FMO5: variants seen among roughly 807,000 people sequenced by gnomAD.
FMO5 encodes the protein flavin-containing monooxygenase 5.
FMO5 carries 51 observed loss-of-function variants against 43.6 expected under a neutral mutation model. The observed-to-expected ratio is 1.17, with a 90% CI of 0.93 to 1.48. The LOEUF (loss-of-function observed/expected upper bound fraction) is 1.48. FMO5 is among the 40% of genes most tolerant of loss of function. The pLI is 0.00. For missense variants in FMO5, 644 were observed against 643.0 expected, an observed-to-expected ratio of 1.00 and a Z score of -0.02; for synonymous variants, 187 against 216.5, an observed-to-expected ratio of 0.86 and a Z score of 1.20.
intron 6 of FMO5, among the ~76,000 whole-genome samples, chr1:147,208,257 G>A (rs1273747751): frequency 6.6e-6 from 1 of 151,964 alleles, no homozygotes; most frequent in Non-Finnish European, 1.5e-5. Flanking sequence ...ACTGTCCTCA[G>A]CTATCATTTT....
rs1242940197 is a variant in FMO5, at chr1:147,187,183, G to T, written c.1319C>A (p.Ala440Asp). The T allele has an allele frequency of 2.5e-6, 4 of 1,614,008 alleles. No individual in the cohort carries two copies. The highest frequency in any genetic ancestry group is 3.4e-6 in the Non-Finnish European group (4 of 1,180,024). The part of the protein sequence containing the change: ...GDYIDTMEEL[A>D]DLVGVRPNLL... ...ATTGGGCCTGACCCCCACCAAATCA[G>T]CAAGCTCTTCCATGGTATCTATGTA... Residue 440 changes from alanine to aspartate, a missense_variant, in exon 9 of 9, where the codon GCT becomes GAT. Ala to Asp is a moderately radical substitution (Grantham distance 126, BLOSUM62 -2). Transcript: ENST00000254090.
chr1:147,185,151 G>A (rs28381228), downstream of FMO5, among the ~76,000 whole-genome samples: 1,579 of 149,386 alleles, frequency 0.011, 22 homozygotes, highest in Middle Eastern at 0.045. Context: ...TAGCTTGGTT[G>A]AGCTAAAAAA....
intron 7 of FMO5, among the ~76,000 whole-genome samples, chr1:147,192,380 G>A (rs2101737899): frequency 6.6e-6 from 1 of 152,224 alleles, no homozygotes; most frequent in African/African-American, 2.4e-5. Flanking sequence ...AGACTTTGCT[G>A]AAGTTGCTCA....
At chr1:147,190,857 T>C (rs587675203) in intron 7 of FMO5, among the ~76,000 whole-genome samples, 5,568 of 151,714 alleles carry the variant, frequency 0.037, 151 homozygotes, top group South Asian at 0.095. Flanking sequence ...CAACAGTCCC[T>C]GGAGTGTGAT....
At chr1:147,211,726 T>G (rs1553923760) in intron 5 of FMO5, among the ~76,000 whole-genome samples, 1 of 152,206 alleles carries the variant, frequency 6.6e-6, no homozygotes, top group East Asian at 1.9e-4. Flanking sequence ...TGCTTCTCAG[T>G]TCAAAGTCTG....
intron 8 of FMO5, among the ~76,000 whole-genome samples, chr1:147,188,552 A>G (rs1553917725): frequency 6.7e-6 from 1 of 148,338 alleles, no homozygotes; most frequent in East Asian, 2.0e-4. Flanking sequence ...AAAGAGCTAT[A>G]GTATTCATGA....
At chr1:147,213,568 T>C in intron 3 of FMO5, 98 bp from the exon 4 acceptor site, 2 of 1,004,124 alleles carry the variant, frequency 2.0e-6, no homozygotes, top group Non-Finnish European at 2.8e-6. Context: ...TATCACATAA[T>C]AGGACCCATG....
chr1:147,192,968 A>G (rs1657178766), intron 7 of FMO5, among the ~76,000 whole-genome samples: 1 of 151,894 alleles, frequency 6.6e-6, no homozygotes, highest in Non-Finnish European at 1.5e-5. Flanking sequence ...TTGGTCTAAA[A>G]TTCTTTTTTG....
chr1:147,208,966 C>G lies in FMO5; in HGVS notation c.716G>C (p.Arg239Pro), dbSNP rs782060976. 11 of 1,613,910 alleles carry G rather than the reference C, an allele frequency of 6.8e-6. No homozygotes were observed. The East Asian group carries it at 2.5e-4, about 36-fold the overall frequency. The change falls in exon 6 of 9, where the codon CGA becomes CCA. Residue 239 changes from arginine (R) to proline (P), a missense_variant. Physicochemically the swap from Arg to Pro is moderately radical, Grantham distance 103 (BLOSUM62 -2). Coordinates refer to ENST00000254090, the MANE Select transcript of FMO5 (RefSeq NM_001461.4). ...GYPADVLFSS[R>P]LTHFIWKICG... ...GATCTTCCATATAAAATGTGTAAGT[C>G]GAGAAGAGAACAACACATCAGCAGG...
downstream of FMO5, among the ~76,000 whole-genome samples, chr1:147,184,938 C>G (rs1553916756): frequency 6.6e-6 from 1 of 151,834 alleles, no homozygotes; most frequent in Non-Finnish European, 1.5e-5. This position sits in a 1 kb window ranked among gnomAD's most constrained non-coding sequence, Gnocchi z 4.4. Flanking sequence ...CTATTCTACC[C>G]CATTTATTAA....
chr1:147,184,451 G>T, downstream of FMO5: 5 of 1,384,180 alleles, frequency 3.6e-6, no homozygotes, highest in South Asian at 1.9e-5. This position sits in a 1 kb window ranked among gnomAD's most constrained non-coding sequence, Gnocchi z 4.4. Context: ...TTCTTTTTCT[G>T]TTGCAGGAGT....
intron 7 of FMO5, among the ~76,000 whole-genome samples, chr1:147,199,936 T>C (rs980595007): frequency 6.6e-6 from 1 of 152,138 alleles, no homozygotes; most frequent in Non-Finnish European, 1.5e-5. Flanking sequence ...CTAGTAACAA[T>C]AGCAAATTTT....
At chr1:147,195,144 C>T (rs1227901374) in intron 7 of FMO5, among the ~76,000 whole-genome samples, 1 of 152,128 alleles carries the variant, frequency 6.6e-6, no homozygotes, top group Non-Finnish European at 1.5e-5. Context: ...TTCAGGTTCA[C>T]CAATCCGACG....
Position 147,216,711 on chromosome 1 carries a change from C to T in FMO5, c.136-769G>A, listed in dbSNP as rs1008699347. On this transcript the variant is annotated intron_variant, in intron 2 of 8. Transcript: ENST00000254090. Reference sequence around the variant, plus strand: ...TGAGAACCACTGCTCTAGATCCTTACTACCAAAGTATGGTCTGTAGACTAG... The same window carrying T: ...TGAGAACCACTGCTCTAGATCCTTATTACCAAAGTATGGTCTGTAGACTAG... Among the ~76,000 whole-genome samples, 3 of 152,318 alleles carry T rather than the reference C, an allele frequency of 2.0e-5. No individual in the cohort carries two copies. In the South Asian group the frequency reaches 6.2e-4, roughly 32 times the overall value.
chr1:147,212,770 T>C (rs1661296136), intron 4 of FMO5, among the ~76,000 whole-genome samples: 1 of 152,216 alleles, frequency 6.6e-6, no homozygotes, highest in Non-Finnish European at 1.5e-5. Flanking sequence ...CAGGATGTGT[T>C]TGTATTTTGG....
At position 147,213,334 on chromosome 1, in the gene FMO5, G is replaced by A. The variant is rs1255422384; in HGVS notation, c.461C>T (p.Ala154Val). ...AGGGAAGCTTTCCAGAGGTAGATGA[G>A]CATTGGTGTGATGGCCAGTGCAAAC... ...VMVCTGHHTNAHLPLESFPGI... is the reference protein window; with the variant it reads ...VMVCTGHHTNVHLPLESFPGI... The change falls in exon 4 of 9, where the codon GCT (alanine) becomes GTT (valine). Residue 154 changes from alanine to valine, a missense_variant. Ala to Val is a moderately conservative substitution (Grantham distance 64). Coordinates refer to ENST00000254090, the MANE Select transcript of FMO5 (RefSeq NM_001461.4). 3 of 1,612,012 alleles carry A rather than the reference G, an allele frequency of 1.9e-6. No individual in the cohort carries two copies. In the African/African-American group the frequency reaches 4.0e-5, roughly 22 times the overall value.
At chr1:147,199,287 G>A (rs1350713732) in intron 7 of FMO5, among the ~76,000 whole-genome samples, 4 of 152,110 alleles carry the variant, frequency 2.6e-5, no homozygotes, top group African/African-American at 9.7e-5. Context: ...ATAGTGAAGG[G>A]ATAATTCAGG....
intron 8 of FMO5, among the ~76,000 whole-genome samples, chr1:147,187,776 G>A (rs1655890055): frequency 6.6e-6 from 1 of 152,132 alleles, no homozygotes; most frequent in East Asian, 1.9e-4. Context: ...TCCAAATGGA[G>A]ACAAATGAAA....
In FMO5 at chr1:147,201,468, C is replaced by T; in HGVS notation, c.867G>A (p.Leu289=). The T allele has an allele frequency of 6.2e-7, 1 of 1,613,998 alleles. No individual in the cohort carries two copies. Among genetic ancestry groups the T allele is most frequent in the Non-Finnish European group, 8.5e-7 (1 of 1,179,938 alleles). ...CCAAGCCAGAAATGATACGATTTGG[C>T]AGGTCATCATTTAAGGTTGGATGCT... ...LSQHPTLNDD[L]PNRIISGLVK... Residue 289 remains leucine, a synonymous_variant, in exon 7 of 9, where the codon CTG becomes CTA. Transcript: ENST00000254090.
Sources: gnomAD v4.1 joint callset for allele counts (sites outside exome capture counted in the v4.1 genomes callset) on GRCh38, gnomAD v4.1.1 for gene constraint, Gnocchi (gnomAD v3.1) non-coding constraint, MANE v1.5 for transcripts, NCBI Gene and HGNC (gene_info 2026-07-23, HGNC 2026-07-21) for gene names.